Variants in FCRL4 observed in about 807,000 individuals in gnomAD.
The protein encoded by FCRL4 is Fc receptor like 4, also known as Fc receptor-like protein 4.
In FCRL4, 43 loss-of-function variants were observed where a neutral mutation model predicts 64.1. The observed-to-expected ratio is 0.67, with a 90% confidence interval of 0.53 to 0.87. The LOEUF (loss-of-function observed/expected upper bound fraction) is 0.87. FCRL4 is among the 40% of genes least tolerant of loss of function. FCRL4 has a pLI of 0.00. For missense variants in FCRL4, 656 were observed against 613.5 expected, an observed-to-expected ratio of 1.07 and a Z score of -0.73; for synonymous variants, 253 against 239.8, an observed-to-expected ratio of 1.05 and a Z score of -0.51.
At chr1:157,596,085 G>A (rs1421421838) in intron 2 of FCRL4, among the ~76,000 whole-genome samples, 1 of 152,130 alleles carries the variant, frequency 6.6e-6, no homozygotes, top group African/African-American at 2.4e-5. Flanking sequence ...TGTGGACGCT[G>A]TGACACATAT....
intron 2 of FCRL4, among the ~76,000 whole-genome samples, chr1:157,592,024 G>C (rs979311765): frequency 6.6e-6 from 1 of 152,232 alleles, no homozygotes; most frequent in East Asian, 1.9e-4. Flanking sequence ...AATGGTGCTG[G>C]GAAAACTGGC....
chr1:157,581,443 G>C (rs1342456927), intron 7 of FCRL4, 88 bp downstream of exon 7: 3 of 1,004,146 alleles, frequency 3.0e-6, no homozygotes, highest in Non-Finnish European at 4.6e-6. Context: ...ACTTGGGAGT[G>C]GTGGCCTGGT....
Position 157,593,594 on chromosome 1 carries a change from G to A in FCRL4, c.52+2734C>T, listed in dbSNP as rs112237275. 6.3e-3 allele frequency among the ~76,000 whole-genome samples: 956 copies of A among 152,226 alleles called. 10 individuals carry two copies. The highest frequency in any genetic ancestry group is 0.022 in the African/African-American group (916 of 41,522). ...GGCTGTATCTAATTGGCTGTATGAG[G>A]GGGTGGAATTCCTTTCTGACTTTGC... On this transcript the variant is annotated intron_variant, in intron 2 of 11. Coordinates refer to ENST00000271532, the MANE Select transcript of FCRL4 (RefSeq NM_031282.3).
chr1:157,589,609 C>T (rs964275338), intron 2 of FCRL4, 151 bp from the exon 3 acceptor site: 6 of 972,032 alleles, frequency 6.2e-6, no homozygotes, highest in Non-Finnish European at 9.0e-6. Flanking sequence ...GTGAGCTGTG[C>T]TCACCTCCTG....
chr1:157,595,488 C>CT (rs1289798208), intron 2 of FCRL4, among the ~76,000 whole-genome samples: 1 of 152,246 alleles, frequency 6.6e-6, no homozygotes, highest in African/African-American at 2.4e-5. Flanking sequence ...AGGGACATAA[C>CT]TTTTCATGGC....
chr1:157,585,331 T>C (rs1019035597), intron 6 of FCRL4, among the ~76,000 whole-genome samples: 3 of 89,508 alleles, frequency 3.4e-5, no homozygotes, highest in Non-Finnish European at 7.7e-5. Context: ...TCCTTCTCTC[T>C]TTCTTTCTCT....
At position 157,587,990 on chromosome 1, in the gene FCRL4, G is replaced by A. The variant is rs1217348288; in HGVS notation, c.437C>T (p.Ser146Phe). Reference sequence around the variant, plus strand: ...GATAAGAAGATCCCAGCTTTTATTAGAAATGGAAAGAATGTTTCCATTCCA... The same window carrying A: ...GATAAGAAGATCCCAGCTTTTATTAAAAATGGAAAGAATGTTTCCATTCCA... ...YTWNGNILSI[S>F]NKSWDLLIPQ... The change falls in exon 4 of 12, where the codon TCT (serine) becomes TTT (phenylalanine). Residue 146 changes from serine (S) to phenylalanine (F), a missense_variant. Coordinates refer to ENST00000271532, the MANE Select transcript of FCRL4 (RefSeq NM_031282.3). The A allele has an allele frequency of 6.2e-7, 1 of 1,612,930 alleles. No homozygotes were observed. Among genetic ancestry groups the A allele is most frequent in the Non-Finnish European group, 8.5e-7 (1 of 1,179,492 alleles).
chr1:157,580,402 T>A, intron 7 of FCRL4, 54 bp from the exon 8 acceptor site: 1 of 1,587,626 alleles, frequency 6.3e-7, no homozygotes, highest in Admixed American at 1.7e-5. Context: ...TCTTTCTCAA[T>A]GACTTCATGT....
At chr1:157,590,846 G>A (rs573290062) in intron 2 of FCRL4, among the ~76,000 whole-genome samples, 1 of 152,140 alleles carries the variant, frequency 6.6e-6, no homozygotes, top group East Asian at 1.9e-4. Context: ...TTAATTTATG[G>A]GCCCCAGAAA....
At chr1:157,584,762 C>T (rs901643491) in intron 6 of FCRL4, among the ~76,000 whole-genome samples, 3 of 152,074 alleles carry the variant, frequency 2.0e-5, no homozygotes, top group Non-Finnish European at 4.4e-5. Context: ...CATAGCAACC[C>T]CTTGCTGGAG....
At chr1:157,587,636 G>C (rs1652733976) in intron 4 of FCRL4, 76 bp from the exon 5 acceptor site, 4 of 1,480,350 alleles carry the variant, frequency 2.7e-6, no homozygotes, top group Non-Finnish European at 3.7e-6. Context: ...TGGATGCTCA[G>C]TCCCAGGAAA....
intron 2 of FCRL4, among the ~76,000 whole-genome samples, chr1:157,592,404 A>G (rs1307344085): frequency 1.3e-5 from 2 of 151,898 alleles, no homozygotes; most frequent in African/African-American, 4.8e-5. Context: ...AGAAAAAAAA[A>G]CCCATCAAAA....
chr1:157,589,973 T>C (rs1010306435), intron 2 of FCRL4, among the ~76,000 whole-genome samples: 1 of 152,232 alleles, frequency 6.6e-6, no homozygotes, highest in African/African-American at 2.4e-5. Flanking sequence ...AGTTTTCCTT[T>C]ATAAGTAAAA....
intron 1 of FCRL4, among the ~76,000 whole-genome samples, chr1:157,597,401 G>T (rs1055605569): frequency 5.9e-5 from 9 of 152,156 alleles, no homozygotes; most frequent in African/African-American, 2.2e-4. Context: ...ACTGACAAGT[G>T]GTACAAAAGC....
intron 2 of FCRL4, among the ~76,000 whole-genome samples, chr1:157,595,131 G>A (rs1323809990): frequency 6.6e-6 from 1 of 152,196 alleles, no homozygotes; most frequent in East Asian, 1.9e-4. Context: ...AGCTCCTGAC[G>A]TCAAGTGATC....
intron 2 of FCRL4, among the ~76,000 whole-genome samples, chr1:157,592,418 G>A (rs1432438030): frequency 6.6e-6 from 1 of 152,048 alleles, no homozygotes; most frequent in African/African-American, 2.4e-5. Context: ...ATCAAAAAGT[G>A]GGCAAAGGAT....
intron 5 of FCRL4, 61 bp from the exon 6 acceptor site, chr1:157,586,516 T>C (rs1181572681): frequency 1.3e-6 from 2 of 1,490,864 alleles, no homozygotes; most frequent in Non-Finnish European, 1.8e-6. Flanking sequence ...GCTAGGTAGC[T>C]GGGGTGTTGG....
chr1:157,585,433 G>C (rs1271752736), intron 6 of FCRL4, among the ~76,000 whole-genome samples: 1 of 128,164 alleles, frequency 7.8e-6, no homozygotes, highest in African/African-American at 3.2e-5. Flanking sequence ...CTTTTTCAGA[G>C]AGACAGGAAT....
intron 2 of FCRL4, among the ~76,000 whole-genome samples, chr1:157,590,078 T>C (rs1187533116): frequency 6.6e-6 from 1 of 152,188 alleles, no homozygotes; most frequent in Non-Finnish European, 1.5e-5. Flanking sequence ...CTTTCATCAA[T>C]AGAGAAGGCA....
Sources: gnomAD v4.1 joint callset for allele counts (sites outside exome capture counted in the v4.1 genomes callset) on GRCh38, gnomAD v4.1.1 for gene constraint, MANE v1.5 for transcripts, NCBI Gene and HGNC (gene_info 2026-07-23, HGNC 2026-07-21) for gene names.